Variants in CTNNA2 observed in about 807,000 individuals in gnomAD.
CTNNA2 encodes the protein catenin alpha 2.
A neutral mutation model predicts 101.0 loss-of-function variants in CTNNA2; 42 were observed. The observed-to-expected ratio is 0.42, with a 90% CI of 0.32 to 0.54. The LOEUF is 0.54. Among genes scored for constraint, CTNNA2 ranks in the 20% least tolerant of loss-of-function variants. CTNNA2 has a pLI of 0.14. For missense variants in CTNNA2, 871 were observed against 1,223.1 expected (o/e 0.71, Z 4.29); for synonymous variants, 450 against 456.4 (o/e 0.99, Z 0.18).
At chr2:80,460,264 CT>C (rs889429788) in intron 9 of CTNNA2, among the ~76,000 whole-genome samples, 3 of 151,842 alleles carry the variant, frequency 2.0e-5, no homozygotes, top group African/African-American at 4.9e-5. Flanking sequence ...TAGGTTGTTC[CT>C]AATCTTGAGT....
chr2:80,184,742 G>C (rs764762519), intron 7 of CTNNA2, among the ~76,000 whole-genome samples: 121 of 152,218 alleles, frequency 7.9e-4, no homozygotes, highest in Non-Finnish European at 4.3e-4. Flanking sequence ...CCTCCTAATA[G>C]ACAGTGAAAA....
At chr2:80,084,896 A>G (rs1035312822) in intron 7 of CTNNA2, among the ~76,000 whole-genome samples, 6 of 152,120 alleles carry the variant, frequency 3.9e-5, no homozygotes, top group African/African-American at 1.4e-4. Context: ...AAGACATAGC[A>G]CTGAACTATG....
intron 4 of CTNNA2, among the ~76,000 whole-genome samples, chr2:79,387,089 C>T (rs556349529): frequency 2.0e-5 from 3 of 152,222 alleles, no homozygotes; most frequent in Non-Finnish European, 2.9e-5. Flanking sequence ...ATTTACTTTA[C>T]TTTTTTCTTG....
At chr2:80,362,737 C>T (rs900829665) in intron 7 of CTNNA2, among the ~76,000 whole-genome samples, 1 of 152,090 alleles carries the variant, frequency 6.6e-6, no homozygotes, top group African/African-American at 2.4e-5. Context: ...TCTCTCTGCA[C>T]GTCTTACCCA....
At chr2:79,862,057 A>G (rs796575247) in intron 4 of CTNNA2, among the ~76,000 whole-genome samples, 14 of 152,288 alleles carry the variant, frequency 9.2e-5, no homozygotes, top group African/African-American at 3.4e-4. Context: ...CTAGGCTCTG[A>G]ACTAGTGTAA....
chr2:79,365,174 G>T (rs945894193), intron 3 of CTNNA2, among the ~76,000 whole-genome samples: 2 of 152,106 alleles, frequency 1.3e-5, no homozygotes, highest in Non-Finnish European at 2.9e-5. Flanking sequence ...CTACTCAGGA[G>T]ACTGAGGCAG....
chr2:80,428,105 A>G lies in CTNNA2; in HGVS notation c.1290+8504A>G, dbSNP rs76513890. Among the ~76,000 whole-genome samples, 1,140 of 152,304 alleles carry G rather than the reference A, an allele frequency of 7.5e-3. 17 individuals are homozygous for G. The highest frequency in any genetic ancestry group is 0.026 in the African/African-American group (1,080 of 41,564). ...AGTGGAAGAACATTCCAGACTGTGA[A>G]AAAAACAAGTCCAAAGACCCCAGGG... On this transcript the variant is annotated intron_variant, in intron 9 of 18. Coordinates refer to ENST00000402739, the MANE Select transcript of CTNNA2 (RefSeq NM_001282597.3).
At chr2:80,539,243 A>AT (rs1167677502) in intron 9 of CTNNA2, among the ~76,000 whole-genome samples, 1 of 151,756 alleles carries the variant, frequency 6.6e-6, no homozygotes, top group Non-Finnish European at 1.5e-5. Flanking sequence ...ATAGATGCCA[A>AT]TTGTAATACA....
chr2:79,480,347 A>G (rs1341971213), intron 4 of CTNNA2, among the ~76,000 whole-genome samples: 2 of 152,160 alleles, frequency 1.3e-5, no homozygotes, highest in African/African-American at 4.8e-5. Flanking sequence ...CAAACCATAA[A>G]AAACACCAAG....
intron 13 of CTNNA2, among the ~76,000 whole-genome samples, chr2:80,575,988 A>C (rs1695006182): frequency 6.6e-6 from 1 of 152,242 alleles, no homozygotes; most frequent in African/African-American, 2.4e-5. Flanking sequence ...TTTTGCACTT[A>C]AATAATTTCT....
chr2:79,686,405 A>G (rs1375204794), intron 2 of CTNNA2, among the ~76,000 whole-genome samples: 1 of 152,216 alleles, frequency 6.6e-6, no homozygotes, highest in East Asian at 1.9e-4. Flanking sequence ...AATAAAGCTA[A>G]TATAAATGCT....
chr2:79,865,978 C>T (rs936184862), intron 4 of CTNNA2, among the ~76,000 whole-genome samples: 2 of 152,206 alleles, frequency 1.3e-5, no homozygotes, highest in Non-Finnish European at 2.9e-5. Flanking sequence ...CTCGGCCTCC[C>T]GAAGTGCTGG....
intron 7 of CTNNA2, among the ~76,000 whole-genome samples, chr2:80,341,800 C>A (rs982779288): frequency 1.7e-4 from 26 of 152,300 alleles, no homozygotes; most frequent in Admixed American, 9.2e-4. Flanking sequence ...CATCCACACA[C>A]ACTTGCACAT....
intron 7 of CTNNA2, among the ~76,000 whole-genome samples, chr2:80,179,001 A>G (rs765151723): frequency 7.9e-5 from 12 of 152,206 alleles, no homozygotes; most frequent in Non-Finnish European, 1.8e-4. Flanking sequence ...TGTGGAAGGG[A>G]AAAGCGATCA....
chr2:79,296,761 C>T (rs1178878195), intron 2 of CTNNA2, among the ~76,000 whole-genome samples: 2 of 152,136 alleles, frequency 1.3e-5, no homozygotes, highest in African/African-American at 2.4e-5. Flanking sequence ...GAGGATCCTT[C>T]TAAAACAACA....
chr2:79,591,828 AT>A (rs897804765), intron 1 of CTNNA2, among the ~76,000 whole-genome samples: 4 of 146,432 alleles, frequency 2.7e-5, no homozygotes, highest in Non-Finnish European at 4.6e-5. Context: ...TCTCTTTTTA[AT>A]TTTTTTTTGG....
At chr2:80,632,737 G>A (rs537875932) in intron 18 of CTNNA2, among the ~76,000 whole-genome samples, 2 of 152,204 alleles carry the variant, frequency 1.3e-5, no homozygotes, top group South Asian at 4.1e-4. Context: ...GCACCGAGGA[G>A]TTCTAATAAA....
At chr2:80,187,475 G>A (rs1706202325) in intron 7 of CTNNA2, among the ~76,000 whole-genome samples, 1 of 152,204 alleles carries the variant, frequency 6.6e-6, no homozygotes, top group Non-Finnish European at 1.5e-5. Context: ...TACGTATGTT[G>A]CTCATCTATA....
At chr2:80,465,757 A>C (rs1206998586) in intron 9 of CTNNA2, among the ~76,000 whole-genome samples, 31 of 152,170 alleles carry the variant, frequency 2.0e-4, no homozygotes, top group Non-Finnish European at 5.9e-5. Context: ...AAGAATTTCA[A>C]TTTTATCACT....
Sources: allele counts gnomAD v4.1 joint callset (sites outside exome capture counted in the v4.1 genomes callset), GRCh38; gene constraint gnomAD v4.1.1; transcripts MANE v1.5; gene names NCBI Gene and HGNC (gene_info 2026-07-23, HGNC 2026-07-21).